Variants in DNA2 observed in about 807,000 individuals in gnomAD.
DNA2 encodes the protein DNA replication ATP-dependent helicase/nuclease DNA2.
Under a neutral mutation model 119.1 loss-of-function variants are expected in DNA2, and 101 were observed. The observed-to-expected ratio is 0.85, with a 90% confidence interval of 0.72 to 1.00. DNA2 has a LOEUF of 1.00. DNA2 is among the 50% of genes least tolerant of loss of function. The pLI is 0.00. For missense variants in DNA2, 1,121 were observed against 1,255.5 expected (o/e 0.89, Z 1.62); for synonymous variants, 366 against 424.4 (o/e 0.86, Z 1.69).
intron 3 of DNA2, 32 bp downstream of exon 3, chr10:68,468,091 C>A: frequency 6.8e-7 from 1 of 1,474,290 alleles, no homozygotes; most frequent in Non-Finnish European, 9.1e-7. Context: ...CTCTCAGACC[C>A]TGCAGAAACA....
chr10:68,425,224 A>C (rs2051723145), intron 14 of DNA2, among the ~76,000 whole-genome samples: 1 of 149,934 alleles, frequency 6.7e-6, no homozygotes, highest in East Asian at 2.0e-4. Context: ...CCTCCCGAGT[A>C]GCTGGGATTA....
intron 14 of DNA2, among the ~76,000 whole-genome samples, chr10:68,428,727 T>C (rs1414393530): frequency 6.6e-6 from 1 of 152,220 alleles, no homozygotes; most frequent in Non-Finnish European, 1.5e-5. Context: ...CCCAAAAGGC[T>C]ATTGCATTTA....
chr10:68,432,602 C>T, intron 10 of DNA2, 92 bp from the exon 11 acceptor site: 2 of 754,176 alleles, frequency 2.7e-6, no homozygotes, highest in Non-Finnish European at 4.5e-6. Context: ...AATGAATGGG[C>T]CAGAATAGCT....
At chr10:68,432,832 T>G (rs2051840411) in intron 10 of DNA2, among the ~76,000 whole-genome samples, 2 of 152,158 alleles carry the variant, frequency 1.3e-5, no homozygotes, top group South Asian at 4.1e-4. Flanking sequence ...GGCTCTTCCT[T>G]CCTCTAACCT....
At chr10:68,467,419 T>G (rs557475015) in intron 3 of DNA2, among the ~76,000 whole-genome samples, 38 of 125,510 alleles carry the variant, frequency 3.0e-4, no homozygotes, top group African/African-American at 1.4e-3. Flanking sequence ...CCAAAATACG[T>G]TTTTTTTTTG....
chr10:68,437,657 A>AAAAACC (rs2051908449), intron 9 of DNA2, among the ~76,000 whole-genome samples: 1 of 16,840 alleles, frequency 5.9e-5, no homozygotes, highest in African/African-American at 8.5e-5. Context: ...TCTCAAAAAC[A>AAAAACC]AAAACAAAAA....
At chr10:68,464,510 G>A (rs768847866) in intron 4 of DNA2, among the ~76,000 whole-genome samples, 2 of 151,150 alleles carry the variant, frequency 1.3e-5, no homozygotes, top group Non-Finnish European at 2.9e-5. Context: ...GCAAGACTCC[G>A]TCTCGAAAAC....
chr10:68,459,894 G>A (rs770650403), intron 4 of DNA2, among the ~76,000 whole-genome samples: 3 of 151,964 alleles, frequency 2.0e-5, no homozygotes, highest in Non-Finnish European at 2.9e-5. Flanking sequence ...AGGCATGGTG[G>A]TGCATGCCTG....
chr10:68,446,336 A>G lies in DNA2; in HGVS notation c.1017T>C (p.Gly339=). 2 of 1,597,042 alleles carry G rather than the reference A, an allele frequency of 1.3e-6. No homozygotes were observed. The highest frequency in any genetic ancestry group is 1.7e-6 in the Non-Finnish European group (2 of 1,171,758). Residue 339 remains glycine (G), a synonymous_variant, in exon 7 of 21, where the codon GGT becomes GGC. Transcript: ENST00000358410. ...GGTTGGCAGGCACAGGGTACATCTG[A>G]CCAGTCTTGAGGTAGAGAAGCAAGC... is the stretch of plus-strand genomic sequence containing the variant. ...EAGLLLYLKT[G]QMYPVPANHL... is the part of the protein sequence containing the mutation.
chr10:68,425,255 C>T (rs886640050), intron 14 of DNA2, among the ~76,000 whole-genome samples: 9 of 151,466 alleles, frequency 5.9e-5, no homozygotes, highest in African/African-American at 2.2e-4. Flanking sequence ...ACACCATGCC[C>T]AGCTAATTTT....
At position 68,431,948 on chromosome 10, in the gene DNA2, C is replaced by A. The variant is rs763355093; in HGVS notation, c.1897G>T (p.Ala633Ser). The change falls in exon 13 of 21, where the codon GCG becomes TCG. Residue 633 changes from alanine (A) to serine (S), a missense_variant. Ala to Ser is a moderately conservative substitution (Grantham distance 99). Coordinates refer to ENST00000358410, the MANE Select transcript of DNA2 (RefSeq NM_001080449.3). ...TTTGAAAGAAGTACCTTTTTCATCG[C>A]TTGCCTCTGAGGCTTATTCAAACCT... The part of the protein sequence containing the change: ...LKGLNKPQRQ[A>S]MKKVLLSKDY... 1.3e-5 allele frequency: 21 copies of A among 1,613,228 alleles called. No homozygotes were observed. The highest frequency in any genetic ancestry group is 1.8e-5 in the Non-Finnish European group (21 of 1,179,566).
At chr10:68,439,155 G>A (rs2051932193) in intron 9 of DNA2, among the ~76,000 whole-genome samples, 1 of 151,914 alleles carries the variant, frequency 6.6e-6, no homozygotes, top group South Asian at 2.1e-4. Context: ...AGCACTTTGG[G>A]AGGCTGAGGT....
chr10:68,454,875 A>C (rs2052163863), intron 5 of DNA2, among the ~76,000 whole-genome samples: 1 of 152,124 alleles, frequency 6.6e-6, no homozygotes, highest in Non-Finnish European at 1.5e-5. Context: ...GGGGGAAAAA[A>C]GGAGGGAGGA....
At chr10:68,462,561 C>T (rs1590074546) in intron 4 of DNA2, among the ~76,000 whole-genome samples, 1 of 103,586 alleles carries the variant, frequency 9.7e-6, no homozygotes, top group South Asian at 2.8e-4. Context: ...ATAAACTTAC[C>T]CTCCCAGGAT....
rs1173839791 is a variant in DNA2, at chr10:68,442,005, G to A, written c.1415+912C>T. ...TGCAGTGGTGTGATCTCAGCTCACT[G>A]CAACCTTCACCTCTGGCTCAAGCCA... On this transcript the variant is annotated intron_variant, in intron 9 of 20. Transcript: ENST00000358410. Among the ~76,000 whole-genome samples, 3 of 151,486 alleles carry A rather than the reference G, an allele frequency of 2.0e-5. No homozygotes were observed. In the South Asian group the frequency reaches 6.2e-4, roughly 31 times the overall value.
intron 5 of DNA2, among the ~76,000 whole-genome samples, chr10:68,455,203 G>A (rs1337935568): frequency 6.6e-6 from 1 of 152,020 alleles, no homozygotes; most frequent in Non-Finnish European, 1.5e-5. Flanking sequence ...CACCCAAAGT[G>A]ATGGGATTAC....
intron 5 of DNA2, among the ~76,000 whole-genome samples, chr10:68,457,573 A>G (rs1417852430): frequency 1.3e-5 from 2 of 151,900 alleles, no homozygotes; most frequent in Admixed American, 1.3e-4. Context: ...TGGTATAGAA[A>G]CTCCACAAAG....
chr10:68,465,144 G>A (rs1204388508), intron 4 of DNA2, among the ~76,000 whole-genome samples: 22 of 150,938 alleles, frequency 1.5e-4, no homozygotes, highest in African/African-American at 1.5e-4. Flanking sequence ...TCAGCCTTCC[G>A]AGTAGCTGGG....
intron 2 of DNA2, among the ~76,000 whole-genome samples, chr10:68,469,516 G>T (rs1172574035): frequency 6.6e-6 from 1 of 152,078 alleles, no homozygotes; most frequent in Non-Finnish European, 1.5e-5. Context: ...AGGCTGGAGT[G>T]CAATGGCATG....
Sources: gnomAD v4.1 joint callset for allele counts (sites outside exome capture counted in the v4.1 genomes callset) on GRCh38, gnomAD v4.1.1 for gene constraint, MANE v1.5 for transcripts, NCBI Gene and HGNC (gene_info 2026-07-23, HGNC 2026-07-21) for gene names.